Variants in ZNF804A observed in about 807,000 individuals in gnomAD.
The protein encoded by ZNF804A is zinc finger protein 804A.
Under a neutral mutation model 16.5 loss-of-function variants are expected in ZNF804A, and 2 were observed. The ratio of observed to expected loss-of-function variants is 0.12; its 90% CI spans 0.05 to 0.38. The LOEUF is 0.38. Ranked by LOEUF, ZNF804A falls within the 10% of genes least tolerant of loss-of-function variation. The probability of loss-of-function intolerance (pLI) is 0.99; values close to 1 mark genes in which losing one functional copy is unlikely to be tolerated. For missense variants in ZNF804A, 1,473 were observed against 1,390.7 expected (o/e 1.06, Z -0.94); for synonymous variants, 534 against 489.6 (o/e 1.09, Z -1.20).
chr2:184,646,503 C>T (rs111876364), intron 1 of ZNF804A, among the ~76,000 whole-genome samples: 2,960 of 152,272 alleles, frequency 0.019, 51 homozygotes, highest in Non-Finnish European at 0.03. Flanking sequence ...CTGACCTGCC[C>T]CACCCTTCCT....
At chr2:184,792,300 C>G (rs1338892314) in intron 1 of ZNF804A, among the ~76,000 whole-genome samples, 1 of 152,104 alleles carries the variant, frequency 6.6e-6, no homozygotes, top group Non-Finnish European at 1.5e-5. Context: ...AATGAGAGTT[C>G]CTGATGCCCA....
chr2:184,873,936 A>G (rs1256741506), intron 2 of ZNF804A, among the ~76,000 whole-genome samples: 1 of 152,188 alleles, frequency 6.6e-6, no homozygotes, highest in Non-Finnish European at 1.5e-5. Context: ...TTAACATATT[A>G]AAAGAAAACA....
At chr2:184,825,850 T>A (rs1030490192) in intron 1 of ZNF804A, among the ~76,000 whole-genome samples, 1 of 152,012 alleles carries the variant, frequency 6.6e-6, no homozygotes, top group Admixed American at 6.6e-5. Flanking sequence ...CATGCCTTTT[T>A]ATTTTTTTAA....
At chr2:184,708,542 T>C in intron 1 of ZNF804A, among the ~76,000 whole-genome samples, 1 of 151,960 alleles carries the variant, frequency 6.6e-6, no homozygotes, top group East Asian at 1.9e-4. Flanking sequence ...AAATAAGCAA[T>C]GAGGAAAGGA....
intron 1 of ZNF804A, among the ~76,000 whole-genome samples, chr2:184,702,667 T>G (rs1028272333): frequency 6.6e-6 from 1 of 152,118 alleles, no homozygotes; most frequent in African/African-American, 2.4e-5. Flanking sequence ...AAATGTAATG[T>G]CACTTTTCTC....
intron 1 of ZNF804A, among the ~76,000 whole-genome samples, chr2:184,645,469 G>T (rs1264139351): frequency 6.6e-6 from 1 of 152,164 alleles, no homozygotes; most frequent in African/African-American, 2.4e-5. Context: ...TTCATAGTGG[G>T]AGGTGATGAA....
At chr2:184,735,545 C>G (rs111852409) in intron 1 of ZNF804A, among the ~76,000 whole-genome samples, 19 of 152,128 alleles carry the variant, frequency 1.2e-4, no homozygotes, top group African/African-American at 3.6e-4. Flanking sequence ...ACCTATGTAA[C>G]AAACCTGCAT....
chr2:184,785,272 G>C (rs1325979664), intron 1 of ZNF804A, among the ~76,000 whole-genome samples: 2 of 151,866 alleles, frequency 1.3e-5, no homozygotes, highest in Non-Finnish European at 2.9e-5. Flanking sequence ...ATGTAAATCT[G>C]CATAAATTAA....
chr2:184,762,003 C>T (rs965369845), intron 1 of ZNF804A, among the ~76,000 whole-genome samples: 6 of 152,060 alleles, frequency 3.9e-5, no homozygotes, highest in African/African-American at 1.4e-4. Context: ...TAGTTTATTA[C>T]TTCCTTCAAA....
intron 2 of ZNF804A, among the ~76,000 whole-genome samples, chr2:184,880,626 A>G (rs112869258): frequency 6.6e-6 from 1 of 151,994 alleles, no homozygotes; most frequent in Non-Finnish European, 1.5e-5. Flanking sequence ...CATGTTTCTT[A>G]GTCTGTTGTG....
At chr2:184,644,921 C>T (rs2105696261) in intron 1 of ZNF804A, among the ~76,000 whole-genome samples, 1 of 152,142 alleles carries the variant, frequency 6.6e-6, no homozygotes, top group East Asian at 1.9e-4. Flanking sequence ...AAATCTGTCA[C>T]AATTACCTGG....
chr2:184,639,249 T>A (rs888850267), intron 1 of ZNF804A, among the ~76,000 whole-genome samples: 2 of 151,906 alleles, frequency 1.3e-5, no homozygotes, highest in East Asian at 3.9e-4. Context: ...AATTTTGGTA[T>A]TTTTAGCAGA....
chr2:184,603,827 G>A (rs1451426194), intron 1 of ZNF804A, among the ~76,000 whole-genome samples: 1 of 151,968 alleles, frequency 6.6e-6, no homozygotes, highest in Non-Finnish European at 1.5e-5. Context: ...AGACCATCTT[G>A]TGTTTCAATT....
chr2:184,794,205 C>T (rs111721304), intron 1 of ZNF804A, among the ~76,000 whole-genome samples: 2,213 of 152,204 alleles, frequency 0.015, 59 homozygotes, highest in African/African-American at 0.05. Context: ...AGAAGTATTC[C>T]CTTTTCACTG....
At chr2:184,775,351 C>T (rs1694270923) in intron 1 of ZNF804A, among the ~76,000 whole-genome samples, 1 of 151,622 alleles carries the variant, frequency 6.6e-6, no homozygotes, top group South Asian at 2.1e-4. Flanking sequence ...ACAATAACAA[C>T]TAAGAAAGGA....
intron 1 of ZNF804A, among the ~76,000 whole-genome samples, chr2:184,770,693 A>C (rs1038543598): frequency 6.6e-6 from 1 of 152,054 alleles, no homozygotes; most frequent in African/African-American, 2.4e-5. Context: ...TCAAAGGCTA[A>C]TATAATGTGA....
At chr2:184,846,992 T>G (rs1305581497) in intron 1 of ZNF804A, among the ~76,000 whole-genome samples, 3 of 152,136 alleles carry the variant, frequency 2.0e-5, no homozygotes, top group African/African-American at 4.8e-5. Flanking sequence ...CCAATAGTTT[T>G]TATCAGCTAA....
chr2:184,919,714 C>T (rs1311547383), intron 2 of ZNF804A, among the ~76,000 whole-genome samples: 1 of 152,174 alleles, frequency 6.6e-6, no homozygotes, highest in African/African-American at 2.4e-5. Context: ...TATAATTTTA[C>T]ATCTCAGTAT....
At chr2:184,648,715 C>A (rs1045573858) in intron 1 of ZNF804A, among the ~76,000 whole-genome samples, 10 of 151,924 alleles carry the variant, frequency 6.6e-5, no homozygotes, top group Non-Finnish European at 1.3e-4. Flanking sequence ...GATAAAGGAT[C>A]CAATTTAAAA....
Sources: gnomAD v4.1 joint callset for allele counts (sites outside exome capture counted in the v4.1 genomes callset) on GRCh38, gnomAD v4.1.1 for gene constraint, MANE v1.5 for transcripts, NCBI Gene and HGNC (gene_info 2026-07-23, HGNC 2026-07-21) for gene names.